The following SORCS3 variants were observed in gnomAD, a reference collection of about 807,000 sequenced individuals.
SORCS3 encodes the protein VPS10 domain-containing receptor SorCS3.
Under a neutral mutation model 146.3 loss-of-function variants are expected in SORCS3, and 57 were observed. That is an observed-to-expected ratio of 0.39 (90% confidence interval 0.31 to 0.49). SORCS3 has a LOEUF of 0.49. Among genes scored for constraint, SORCS3 ranks in the 20% least tolerant of loss-of-function variants. The probability of loss-of-function intolerance (pLI) is 0.92; values close to 1 mark genes in which losing one functional copy is unlikely to be tolerated. For missense variants in SORCS3, 1,341 were observed against 1,575.5 expected (o/e 0.85, Z 2.52); for synonymous variants, 653 against 618.5 (o/e 1.06, Z -0.83).
chr10:104,960,852 C>A (rs2054791696), intron 3 of SORCS3, among the ~76,000 whole-genome samples: 1 of 152,034 alleles, frequency 6.6e-6, no homozygotes. Context: ...TGAAAACCTC[C>A]CCCTTTTTTG....
chr10:105,249,889 A>T (rs1010580470), intron 22 of SORCS3, among the ~76,000 whole-genome samples: 1 of 152,052 alleles, frequency 6.6e-6, no homozygotes, highest in Middle Eastern at 3.2e-3. Context: ...TCAAAAAAAA[A>T]CCAAAAAGAA....
At chr10:105,094,658 G>A (rs1359050215) in intron 6 of SORCS3, among the ~76,000 whole-genome samples, 1 of 152,176 alleles carries the variant, frequency 6.6e-6, no homozygotes, top group Non-Finnish European at 1.5e-5. Context: ...ACTCTGACAA[G>A]GACTTTAATG....
intron 3 of SORCS3, among the ~76,000 whole-genome samples, chr10:104,918,426 C>A (rs2019054601): frequency 6.6e-6 from 1 of 152,238 alleles, no homozygotes; most frequent in African/African-American, 2.4e-5. Flanking sequence ...AGCTTTTCTT[C>A]TTGTACAGTG....
chr10:105,123,071 G>C (rs1156803147), intron 7 of SORCS3, among the ~76,000 whole-genome samples: 1 of 152,244 alleles, frequency 6.6e-6, no homozygotes, highest in African/African-American at 2.4e-5. Flanking sequence ...TGTTCTTGGA[G>C]AACTGCCTTC....
intron 1 of SORCS3, among the ~76,000 whole-genome samples, chr10:104,820,268 G>A (rs2017857954): frequency 6.6e-6 from 1 of 152,038 alleles, no homozygotes; most frequent in Non-Finnish European, 1.5e-5. Flanking sequence ...GAATAAAATG[G>A]GAACAATAGT....
intron 7 of SORCS3, among the ~76,000 whole-genome samples, chr10:105,134,881 T>C (rs1359583670): frequency 6.6e-6 from 1 of 152,144 alleles, no homozygotes; most frequent in African/African-American, 2.4e-5. Flanking sequence ...CGTATCATCT[T>C]AATAAGATGC....
chr10:104,883,760 G>T (rs1171082654), intron 2 of SORCS3, among the ~76,000 whole-genome samples: 1 of 152,180 alleles, frequency 6.6e-6, no homozygotes, highest in East Asian at 1.9e-4. Flanking sequence ...TAGGAAGCCA[G>T]GCTGGGCCAA....
Position 105,234,611 on chromosome 10 carries a change from T to C in SORCS3, c.2869-10931T>C, listed in dbSNP as rs551954971. ...GTTTTGGCATTTTCTGTTGAGATGT[T>C]CTCAAGCTCAGAGATTCTTCCTCAG... On this transcript the variant is annotated intron_variant, in intron 20 of 26. Transcript: ENST00000369701. Among the ~76,000 whole-genome samples the C allele has an allele frequency of 2.0e-5, 3 of 152,068 alleles. No individual in the cohort carries two copies. In the South Asian group the frequency reaches 6.2e-4, roughly 32 times the overall value.
chr10:105,211,069 G>T, intron 16 of SORCS3, 68 bp from the exon 17 acceptor site: 1 of 1,044,136 alleles, frequency 9.6e-7, no homozygotes, highest in South Asian at 1.3e-5. Context: ...GTATATGTTT[G>T]TGTGTGCCTG....
intron 6 of SORCS3, among the ~76,000 whole-genome samples, chr10:105,095,466 C>T (rs973789425): frequency 2.6e-5 from 4 of 152,112 alleles, no homozygotes; most frequent in South Asian, 2.1e-4. Flanking sequence ...CTCAGCACTG[C>T]GTCCAGGTCT....
At chr10:104,971,504 G>C (rs1168020962) in intron 3 of SORCS3, among the ~76,000 whole-genome samples, 3 of 152,152 alleles carry the variant, frequency 2.0e-5, no homozygotes, top group Non-Finnish European at 4.4e-5. Context: ...ATGGAGCTAG[G>C]GTATACCAGA....
chr10:105,125,313 G>A (rs913263352), intron 7 of SORCS3, among the ~76,000 whole-genome samples: 14 of 152,098 alleles, frequency 9.2e-5, no homozygotes, highest in African/African-American at 3.1e-4. Context: ...CAACTGACAC[G>A]AATTAAGTGG....
At chr10:104,806,073 T>C (rs1345211911) in intron 1 of SORCS3, among the ~76,000 whole-genome samples, 1 of 152,164 alleles carries the variant, frequency 6.6e-6, no homozygotes, top group Non-Finnish European at 1.5e-5. Context: ...TTTTTTACTT[T>C]CTGTAAAGTA....
chr10:104,756,877 A>T (rs2017059174), intron 1 of SORCS3, among the ~76,000 whole-genome samples: 1 of 151,962 alleles, frequency 6.6e-6, no homozygotes, highest in African/African-American at 2.4e-5. Context: ...TGGGTTAGTG[A>T]TTTCTGGGAC....
chr10:105,242,764 T>C (rs565837097), intron 20 of SORCS3, among the ~76,000 whole-genome samples: 1 of 103,514 alleles, frequency 9.7e-6, no homozygotes, highest in Non-Finnish European at 1.7e-5. Flanking sequence ...TTATATTTTA[T>C]ATATTTTATA....
At chr10:104,995,162 C>CTTT (rs1260330772) in intron 4 of SORCS3, among the ~76,000 whole-genome samples, 1 of 121,856 alleles carries the variant, frequency 8.2e-6, no homozygotes. Flanking sequence ...TTCTTTCTTT[C>CTTT]TCTTTTTTTT....
At chr10:105,043,175 A>T (rs1255347275) in intron 5 of SORCS3, 47 bp downstream of exon 5, 3 of 1,531,898 alleles carry the variant, frequency 2.0e-6, no homozygotes, top group Admixed American at 1.7e-5. Flanking sequence ...AAGAATTATC[A>T]AACAGCGTAG....
At chr10:104,881,427 T>G (rs1245748662) in intron 2 of SORCS3, among the ~76,000 whole-genome samples, 1 of 152,216 alleles carries the variant, frequency 6.6e-6, no homozygotes, top group Non-Finnish European at 1.5e-5. Context: ...GAATGATACT[T>G]TTTAATCAGA....
chr10:105,242,534 ATATATATT>A (rs1564793589), intron 20 of SORCS3, among the ~76,000 whole-genome samples: 9 of 89,320 alleles, frequency 1.0e-4, no homozygotes, highest in East Asian at 7.5e-4. Context: ...ATATATATTT[ATATATATT>A]TATATATTTA....
Sources: allele counts gnomAD v4.1 joint callset (sites outside exome capture counted in the v4.1 genomes callset), GRCh38; gene constraint gnomAD v4.1.1; transcripts MANE v1.5; gene names NCBI Gene and HGNC (gene_info 2026-07-23, HGNC 2026-07-21).